Variants in TANK observed in about 807,000 individuals in gnomAD.
The protein encoded by TANK is TRAF family member-associated NF-kappa-B activator.
Under a neutral mutation model 43.6 loss-of-function variants are expected in TANK, and 15 were observed. The observed-to-expected ratio is 0.34, with a 90% CI of 0.23 to 0.53. The LOEUF is 0.53. Among genes scored for constraint, TANK ranks in the 20% least tolerant of loss-of-function variants. The pLI, the probability that TANK is intolerant of heterozygous loss-of-function variation, is 0.94. For synonymous variants in TANK, 162 were observed against 178.2 expected (o/e 0.91, Z 0.73); for missense variants, 417 against 498.6 (o/e 0.84, Z 1.56).
intron 1 of TANK, chr2:161,160,857 TC>T (rs779860719): frequency 7.8e-6 from 4 of 509,630 alleles, no homozygotes; most frequent in Non-Finnish European, 1.2e-5. Context: ...ATTCCCGACT[TC>T]CCTTCGGGAG....
At chr2:161,224,485 G>A (rs1343820526) in intron 5 of TANK, 146 bp from the exon 6 acceptor site, 5 of 451,278 alleles carry the variant, frequency 1.1e-5, no homozygotes, top group African/African-American at 4.1e-5. Flanking sequence ...CTGATTTTGG[G>A]GACATTGTTT....
At chr2:161,153,582 G>A (rs533009470) in intron 1 of TANK, among the ~76,000 whole-genome samples, 1 of 150,840 alleles carries the variant, frequency 6.6e-6, no homozygotes, top group African/African-American at 2.4e-5. Context: ...CAGCTACTCA[G>A]GAGCATAAGG....
intron 4 of TANK, chr2:161,212,051 A>G (rs1009265113): frequency 4.8e-6 from 4 of 835,728 alleles, no homozygotes; most frequent in Non-Finnish European, 5.7e-6. Flanking sequence ...CCAAAGAGTC[A>G]TAATACATAA....
At chr2:161,180,999 C>T (rs1685394939) in intron 2 of TANK, among the ~76,000 whole-genome samples, 1 of 151,110 alleles carries the variant, frequency 6.6e-6, no homozygotes, top group Non-Finnish European at 1.5e-5. Context: ...TTGTAAATCT[C>T]ATTGTATAGT....
intron 4 of TANK, chr2:161,212,341 G>A: frequency 8.2e-6 from 8 of 978,266 alleles, no homozygotes; most frequent in Non-Finnish European, 9.7e-6. Flanking sequence ...GATTACAGGT[G>A]TGTGCCACTG....
chr2:161,169,211 T>C (rs1218001693), intron 1 of TANK, among the ~76,000 whole-genome samples: 3 of 152,182 alleles, frequency 2.0e-5, no homozygotes, highest in African/African-American at 7.2e-5. Context: ...TAGTCTAGAT[T>C]GGAGCAAGCC....
At position 161,207,888 on chromosome 2, in the gene TANK, T is replaced by G. The variant is rs1025005828; in HGVS notation, c.327+3095T>G. 5.1e-6 allele frequency: 5 copies of G among 984,304 alleles called. No homozygotes were observed. In the African/African-American group the frequency reaches 8.7e-5, roughly 17 times the overall value. The allele number at this position is 984,304 out of a possible 1,614,324, so 61.0% of individuals were successfully genotyped here. A position where few individuals can be genotyped will look rare whatever the true frequency, so the allele number is the denominator to read the frequency against. On this transcript the variant is annotated intron_variant, in intron 4 of 7. Transcript: ENST00000392749. Reference sequence around the variant, plus strand: ...GAAATGGTTAAGGTGATGGTATGATTCTTTTTTATTCTATTTTTAATATAC... The same window carrying G: ...GAAATGGTTAAGGTGATGGTATGATGCTTTTTTATTCTATTTTTAATATAC...
At chr2:161,200,021 C>T (rs1451414068) in intron 2 of TANK, among the ~76,000 whole-genome samples, 1 of 152,182 alleles carries the variant, frequency 6.6e-6, no homozygotes, top group East Asian at 1.9e-4. Context: ...ACACAGAAGC[C>T]AGAGTCATCT....
At chr2:161,172,713 A>C (rs1323430705) in intron 1 of TANK, among the ~76,000 whole-genome samples, 1 of 152,088 alleles carries the variant, frequency 6.6e-6, no homozygotes, top group African/African-American at 2.4e-5. Context: ...TGCTAACTAG[A>C]ATGTAGATTC....
intron 4 of TANK, chr2:161,212,849 A>G (rs1476626054): frequency 1.2e-6 from 1 of 832,802 alleles, no homozygotes. Context: ...GTATTGCTGT[A>G]AAGGAATACC....
At chr2:161,153,687 C>CAAAAA (rs11395042) in intron 1 of TANK, among the ~76,000 whole-genome samples, 7 of 76,318 alleles carry the variant, frequency 9.2e-5, no homozygotes, top group Admixed American at 3.1e-4. Context: ...GGCCCTGTCT[C>CAAAAA]AAAAAAAAAA....
chr2:161,155,426 A>T (rs1366165228), intron 1 of TANK, among the ~76,000 whole-genome samples: 1 of 152,116 alleles, frequency 6.6e-6, no homozygotes. Context: ...ACCTTTCTTG[A>T]GTTTTTAATT....
intron 1 of TANK, among the ~76,000 whole-genome samples, chr2:161,148,260 G>T (rs1038119081): frequency 2.6e-5 from 4 of 152,110 alleles, no homozygotes; most frequent in Non-Finnish European, 5.9e-5. Context: ...GTCCTGATTT[G>T]CATTTCCCTG....
chr2:161,191,733 T>G (rs988656148), intron 2 of TANK, among the ~76,000 whole-genome samples: 6 of 152,198 alleles, frequency 3.9e-5, no homozygotes, highest in Non-Finnish European at 7.3e-5. Flanking sequence ...TTTGTACATA[T>G]AAACCTACCT....
intron 1 of TANK, among the ~76,000 whole-genome samples, chr2:161,172,242 T>C (rs1303654235): frequency 1.3e-5 from 2 of 152,160 alleles, no homozygotes; most frequent in African/African-American, 4.8e-5. Context: ...CCTGTCCTCT[T>C]TTTTGGTTTA....
At chr2:161,182,667 C>T (rs867865873) in intron 2 of TANK, among the ~76,000 whole-genome samples, 2 of 152,022 alleles carry the variant, frequency 1.3e-5, no homozygotes, top group South Asian at 4.1e-4. Context: ...CCAGAAGTTC[C>T]CTGAACCCTG....
At chr2:161,196,234 C>G (rs772011684) in intron 2 of TANK, among the ~76,000 whole-genome samples, 1 of 151,996 alleles carries the variant, frequency 6.6e-6, no homozygotes, top group Non-Finnish European at 1.5e-5. Context: ...AGACTTTTGG[C>G]GGGGTAGAGA....
intron 4 of TANK, among the ~76,000 whole-genome samples, chr2:161,213,175 C>G (rs1207086292): frequency 6.6e-6 from 1 of 152,172 alleles, no homozygotes; most frequent in Non-Finnish European, 1.5e-5. Flanking sequence ...ATGACCCAGA[C>G]CCCTCCCATT....
rs902154327 is a variant in TANK, at chr2:161,207,287, T to A, written c.327+2494T>A. 1.6e-5 allele frequency: 9 copies of A among 550,332 alleles called. No homozygotes were observed. The African/African-American group carries it at 1.9e-4, about 11-fold the overall frequency. The allele number at this position is 550,332 out of a possible 1,614,324, so 34.1% of individuals were successfully genotyped here. A position where few individuals can be genotyped will look rare whatever the true frequency, so the allele number is the denominator to read the frequency against. The stretch of plus-strand genomic sequence containing the variant: ...TATAACTATATTTTTGGGCAGACGG[T>A]AAGAGGAAAAGCTCCAAGTAAGGAA... On this transcript the variant is annotated intron_variant, in intron 4 of 7. Coordinates refer to ENST00000392749, the MANE Select transcript of TANK (RefSeq NM_001199135.3).
Sources: allele counts gnomAD v4.1 joint callset (sites outside exome capture counted in the v4.1 genomes callset), GRCh38; gene constraint gnomAD v4.1.1; transcripts MANE v1.5; gene names NCBI Gene and HGNC (gene_info 2026-07-23, HGNC 2026-07-21).